Variants in RPTOR observed in about 807,000 individuals in gnomAD.
RPTOR encodes regulatory-associated protein of mTOR.
Under a neutral mutation model 169.9 loss-of-function variants are expected in RPTOR, and 21 were observed. That is an observed-to-expected ratio of 0.12 (90% CI 0.09 to 0.18). The LOEUF (loss-of-function observed/expected upper bound fraction) is 0.18, where lower values mean the gene tolerates loss of function less well. Ranked by LOEUF, RPTOR falls within the 10% of genes least tolerant of loss-of-function variation. RPTOR has a pLI of 1.00. For synonymous variants in RPTOR, 732 were observed against 753.2 expected, an observed-to-expected ratio of 0.97 and a Z score of 0.46; for missense variants, 1,133 against 1,855.9, an observed-to-expected ratio of 0.61 and a Z score of 7.16.
chr17:80,545,107 C>G lies in RPTOR; in HGVS notation c.-523C>G, dbSNP rs1232909038. 1 of 233,852 alleles carries G rather than the reference C, an allele frequency of 4.3e-6. No individual in the cohort carries two copies. Among genetic ancestry groups the G allele is most frequent in the Non-Finnish European group, 8.5e-6 (1 of 118,302 alleles). The allele number at this position is 233,852 out of a possible 1,614,324, so 14.5% of individuals were successfully genotyped here. On this transcript the variant is annotated 5_prime_UTR_variant, in exon 1 of 34. Coordinates refer to ENST00000306801, the MANE Select transcript of RPTOR (RefSeq NM_020761.3). Reference sequence around the variant, plus strand: ...GGTCGTGGCTCTGGTTGCAGCAGCTCAGACGAGTGCGGGACCCGCAGGGCT... The same window carrying G: ...GGTCGTGGCTCTGGTTGCAGCAGCTGAGACGAGTGCGGGACCCGCAGGGCT...
At chr17:80,737,449 C>T (rs1322116502) in intron 5 of RPTOR, among the ~76,000 whole-genome samples, 4 of 152,138 alleles carry the variant, frequency 2.6e-5, no homozygotes, top group South Asian at 2.1e-4. Flanking sequence ...GGCAGGGGGG[C>T]GGTGGTGGAG....
chr17:80,627,144 G>A (rs928355338), intron 2 of RPTOR, among the ~76,000 whole-genome samples: 3 of 152,036 alleles, frequency 2.0e-5, no homozygotes, highest in Non-Finnish European at 4.4e-5. Context: ...CCGCAGCCTC[G>A]CAATAACTGG....
chr17:80,667,172 C>T (rs997355362), intron 3 of RPTOR, among the ~76,000 whole-genome samples: 17 of 152,170 alleles, frequency 1.1e-4, no homozygotes, highest in Admixed American at 3.9e-4. Flanking sequence ...TCCAGTACAG[C>T]TTGTTGCCCC....
chr17:80,907,903 G>C (rs559668798), intron 20 of RPTOR, among the ~76,000 whole-genome samples: 39 of 152,282 alleles, frequency 2.6e-4, no homozygotes, highest in African/African-American at 9.4e-4. Flanking sequence ...GCCCACTGCT[G>C]ACAGAAGGAG....
chr17:80,710,567 TTGTATGTGTGTGTGTGTGTG>T (rs2066180470), intron 4 of RPTOR, among the ~76,000 whole-genome samples: 1 of 110,540 alleles, frequency 9.0e-6, no homozygotes, highest in South Asian at 3.2e-4. Context: ...CCTTGGTTAT[TTGTATGTGTGTGTGTGTGTG>T]TGTGTGTGTG....
intron 3 of RPTOR, among the ~76,000 whole-genome samples, chr17:80,697,270 A>G (rs1170046979): frequency 6.6e-6 from 1 of 152,208 alleles, no homozygotes; most frequent in Admixed American, 6.5e-5. Flanking sequence ...GGCTGTAGGT[A>G]GTATTGGAAA....
rs532165835 is a variant in RPTOR at position 80,965,320 on chromosome 17, A to G, written c.*990A>G. On this transcript the variant is annotated 3_prime_UTR_variant, in exon 34 of 34. Transcript: ENST00000306801. ...CTGTCCCCACACGTTCCTCACATAC[A>G]GGCAAGAGGCACTGCCGGGTCCCGG... is the stretch of plus-strand genomic sequence containing the variant. 51 of 233,206 alleles carry G rather than the reference A, an allele frequency of 2.2e-4. No homozygotes were observed. Among genetic ancestry groups the G allele is most frequent in the African/African-American group, 1.1e-3 (48 of 45,444 alleles). 14.4% of individuals were successfully genotyped at this position (233,206 alleles called of 1,614,324 possible). A position where few individuals can be genotyped will look rare whatever the true frequency, so the allele number is the denominator to read the frequency against.
At chr17:80,734,694 T>A (rs1399549150) in intron 5 of RPTOR, among the ~76,000 whole-genome samples, 1 of 151,972 alleles carries the variant, frequency 6.6e-6, no homozygotes, top group African/African-American at 2.4e-5. Flanking sequence ...CAGGAGGAAA[T>A]GGGGAAGGGG....
At chr17:80,920,222 G>C (rs12938300) in intron 21 of RPTOR, among the ~76,000 whole-genome samples, 50,746 of 152,094 alleles carry the variant, frequency 0.33, 8,590 homozygotes, top group East Asian at 0.47. Context: ...GGTCACCTCT[G>C]AGGGACACGC....
chr17:80,855,980 G>A (rs959303782), intron 12 of RPTOR, among the ~76,000 whole-genome samples: 1 of 152,184 alleles, frequency 6.6e-6, no homozygotes, highest in Non-Finnish European at 1.5e-5. Context: ...ATTCGGAAAC[G>A]CTCTTCTGGT....
intron 3 of RPTOR, among the ~76,000 whole-genome samples, chr17:80,658,852 A>C (rs541811196): frequency 1.7e-3 from 260 of 152,314 alleles, no homozygotes; most frequent in Non-Finnish European, 2.7e-3. Flanking sequence ...ATTCTTTATC[A>C]ATTCCAGTTC....
At chr17:80,645,837 GACAGTGGC>G in intron 3 of RPTOR, among the ~76,000 whole-genome samples, 1 of 152,326 alleles carries the variant, frequency 6.6e-6, no homozygotes, top group African/African-American at 2.4e-5. Flanking sequence ...CCCTGCCCAT[GACAGTGGC>G]ACAGTTGTAT....
intron 21 of RPTOR, among the ~76,000 whole-genome samples, chr17:80,922,126 C>T (rs777821419): frequency 1.3e-5 from 2 of 152,228 alleles, no homozygotes; most frequent in Non-Finnish European, 2.9e-5. Context: ...GTGGAGGCCT[C>T]AGGCTGCTGG....
intron 24 of RPTOR, among the ~76,000 whole-genome samples, chr17:80,928,527 G>A (rs563429597): frequency 5.3e-5 from 8 of 152,234 alleles, no homozygotes; most frequent in Non-Finnish European, 7.3e-5. Flanking sequence ...TGCAACTAGC[G>A]ATTAGCAGGA....
rs114801495 is a variant in RPTOR at position 80,796,427 on chromosome 17, T to A, written c.890+4918T>A. Among the ~76,000 whole-genome samples, 908 of 152,242 alleles carry A rather than the reference T, an allele frequency of 6.0e-3. 7 individuals are homozygous for A. The highest frequency in any genetic ancestry group is 0.021 in the African/African-American group (863 of 41,522). On this transcript the variant is annotated intron_variant, in intron 7 of 33. Coordinates refer to ENST00000306801, the MANE Select transcript of RPTOR (RefSeq NM_020761.3). The stretch of plus-strand genomic sequence containing the variant: ...GGAGGCCTCAGGAAACTTACAGTCA[T>A]GGCAGAAAGGGAAGGGTAAGCAAGG...
At chr17:80,602,897 C>A in intron 1 of RPTOR, 1 of 473,644 alleles carries the variant, frequency 2.1e-6, no homozygotes. Flanking sequence ...GGCCGTTTTT[C>A]TTCTCGCCAT....
At chr17:80,666,769 C>G (rs1343088426) in intron 3 of RPTOR, among the ~76,000 whole-genome samples, 1 of 152,170 alleles carries the variant, frequency 6.6e-6, no homozygotes, top group Non-Finnish European at 1.5e-5. Context: ...GGTGGCCGAG[C>G]AGTCCGAGAA....
chr17:80,758,636 C>T (rs1042051626), intron 6 of RPTOR, among the ~76,000 whole-genome samples: 10 of 152,118 alleles, frequency 6.6e-5, no homozygotes, highest in Admixed American at 5.9e-4. Context: ...CTTCTGTAGA[C>T]GCACAGTGGA....
At chr17:80,776,727 G>A (rs994878994) in intron 6 of RPTOR, among the ~76,000 whole-genome samples, 7 of 152,164 alleles carry the variant, frequency 4.6e-5, no homozygotes, top group Non-Finnish European at 5.9e-5. Context: ...GAGAGAAAAT[G>A]TTCCTTACTT....
Sources: allele counts gnomAD v4.1 joint callset (sites outside exome capture counted in the v4.1 genomes callset), GRCh38; gene constraint gnomAD v4.1.1; transcripts MANE v1.5; gene names NCBI Gene and HGNC (gene_info 2026-07-23, HGNC 2026-07-21).